Variants in INAVA observed in about 807,000 individuals in gnomAD.
INAVA encodes innate immunity activator.
In INAVA, 32 loss-of-function variants were observed where a neutral mutation model predicts 55.3. That is an observed-to-expected ratio of 0.58 (90% CI 0.44 to 0.78). The LOEUF (loss-of-function observed/expected upper bound fraction) is 0.78, where lower values mean the gene tolerates loss of function less well. Among genes scored for constraint, INAVA ranks in the 30% least tolerant of loss-of-function variants. INAVA has a pLI of 0.00. For synonymous variants in INAVA, 294 were observed against 329.4 expected (o/e 0.89, Z 1.16); for missense variants, 756 against 786.4 (o/e 0.96, Z 0.46).
intron 8 of INAVA, among the ~76,000 whole-genome samples, 168 bp downstream of exon 8, chr1:200,909,565 C>A (rs969225812): frequency 1.3e-5 from 2 of 152,222 alleles, no homozygotes; most frequent in South Asian, 4.1e-4. Flanking sequence ...ATGCACTGCA[C>A]CCCACTAAGC....
Position 200,912,056 on chromosome 1 carries a change from G to A in INAVA, c.1563G>A (p.Leu521=), listed in dbSNP as rs548799448. Residue 521 remains leucine (L), a synonymous_variant, in exon 9 of 10, where the codon CTG becomes CTA. Transcript: ENST00000413687. ...ARLRSTRPHS[L]DRQGAFRVRS... ...TCCGGAGCACCCGCCCCCACTCACT[G>A]GACCGCCAAGGAGCTTTCCGGGTCA... The A allele has an allele frequency of 6.5e-5, 100 of 1,547,260 alleles. No individual in the cohort carries two copies. In the African/African-American group the frequency reaches 1.2e-3, roughly 19 times the overall value.
upstream of INAVA, among the ~76,000 whole-genome samples, chr1:200,893,571 G>C (rs932657510): frequency 7.2e-5 from 11 of 152,212 alleles, no homozygotes; most frequent in Non-Finnish European, 8.8e-5. Flanking sequence ...CTCTTTGGGA[G>C]ACCCAGAGAA....
chr1:200,899,123 G>GGA (rs1653105689), intron 2 of INAVA, among the ~76,000 whole-genome samples: 2 of 151,862 alleles, frequency 1.3e-5, no homozygotes, highest in African/African-American at 4.8e-5. Flanking sequence ...GTGGGGAGAG[G>GGA]GAGAGAGAGA....
chr1:200,891,685 A>T (rs760891218), upstream of INAVA: 8 of 1,483,794 alleles, frequency 5.4e-6, no homozygotes, highest in East Asian at 2.5e-5. Context: ...GGGCGGCGCC[A>T]GAGCTCCATG....
chr1:200,899,987 G>A (rs1453131013), intron 3 of INAVA, 117 bp from the exon 4 acceptor site: 1 of 770,086 alleles, frequency 1.3e-6, no homozygotes, highest in Non-Finnish European at 2.2e-6. Flanking sequence ...GGATGAGGTG[G>A]GGTGGAGGGT....
chr1:200,912,678 G>T (rs1557971665), intron 9 of INAVA, among the ~76,000 whole-genome samples: 1 of 152,126 alleles, frequency 6.6e-6, no homozygotes, highest in Non-Finnish European at 1.5e-5. Flanking sequence ...TCCCAGTTCT[G>T]CCACTTACGA....
In INAVA at chr1:200,911,840, G is replaced by C. The variant is rs767384034; in HGVS notation, c.1347G>C (p.Glu449Asp). 6.2e-7 allele frequency: 1 copy of C among 1,600,118 alleles called. No individual in the cohort carries two copies. Residue 449 changes from glutamate to aspartate, a missense_variant, in exon 9 of 10, where the codon GAG (glutamate) becomes GAC (aspartate). By Grantham distance (45) the Glu-to-Asp change is conservative (BLOSUM62 2). This residue lies in a region of INAVA where 639 missense variants were observed against 624.3 expected (regional missense o/e 1.02). Transcript: ENST00000413687. ...VVAESPLPPG[E>D]WELRRAAPGP... Reference sequence around the variant, plus strand: ...CTGAGAGCCCCCTGCCGCCTGGCGAGTGGGAGCTGCGCCGCGCAGCCCCGG... The same window carrying C: ...CTGAGAGCCCCCTGCCGCCTGGCGACTGGGAGCTGCGCCGCGCAGCCCCGG...
chr1:200,895,709 G>A (rs909321503), intron 1 of INAVA, among the ~76,000 whole-genome samples: 3 of 152,162 alleles, frequency 2.0e-5, no homozygotes, highest in Admixed American at 6.5e-5. Context: ...GTGAGGGTCC[G>A]CTATGTGGCT....
chr1:200,908,987 G>T (rs752369485), intron 7 of INAVA, 47 bp downstream of exon 7: 7 of 1,569,448 alleles, frequency 4.5e-6, no homozygotes, highest in Non-Finnish European at 6.1e-6. Context: ...GCAGGGAGTC[G>T]GTGGGAGCTA....
chr1:200,902,034 A>G (rs1653282062), intron 5 of INAVA, among the ~76,000 whole-genome samples: 1 of 152,096 alleles, frequency 6.6e-6, no homozygotes, highest in Non-Finnish European at 1.5e-5. Flanking sequence ...CCCATGACTC[A>G]GCTCTGCCCC....
chr1:200,896,388 T>C (rs922912391), intron 1 of INAVA, among the ~76,000 whole-genome samples: 1 of 151,972 alleles, frequency 6.6e-6, no homozygotes. Context: ...AGCTGCCTGC[T>C]CCTCTGTCCT....
upstream of INAVA, among the ~76,000 whole-genome samples, chr1:200,893,890 G>A (rs915212292): frequency 6.6e-6 from 1 of 151,398 alleles, no homozygotes; most frequent in Non-Finnish European, 1.5e-5. Flanking sequence ...GGGAGGGGAA[G>A]CAATCCAGAC....
intron 9 of INAVA, among the ~76,000 whole-genome samples, chr1:200,913,199 T>C (rs902283262): frequency 6.6e-6 from 1 of 152,204 alleles, no homozygotes; most frequent in Non-Finnish European, 1.5e-5. Context: ...TGCTTTTCCC[T>C]TTCTGCGCGC....
At chr1:200,910,589 A>T (rs1259118225) in intron 8 of INAVA, among the ~76,000 whole-genome samples, 2 of 152,154 alleles carry the variant, frequency 1.3e-5, no homozygotes, top group Non-Finnish European at 2.9e-5. Flanking sequence ...TTTAATTTTT[A>T]AATTTTTTTT....
chr1:200,906,025 G>C (rs1318764385), intron 5 of INAVA, among the ~76,000 whole-genome samples: 2 of 152,226 alleles, frequency 1.3e-5, no homozygotes, highest in Non-Finnish European at 1.5e-5. Context: ...TTCCTCAACT[G>C]TCACTTGCAG....
In INAVA at chr1:200,900,199, T is replaced by C; in HGVS notation, c.276T>C (p.Asp92=). 6.2e-7 allele frequency: 1 copy of C among 1,614,074 alleles called. No individual in the cohort carries two copies. The highest frequency in any genetic ancestry group is 8.5e-7 in the Non-Finnish European group (1 of 1,179,954). ...GGATCGGAGCGGCTTACAAACTGGATGACTGGGCCTTGCACAGAGAGGTGA... is the reference window on the plus strand; with the variant it reads ...GGATCGGAGCGGCTTACAAACTGGACGACTGGGCCTTGCACAGAGAGGTGA... The part of the protein sequence containing the change: ...RRRIGAAYKL[D]DWALHREDPL... Residue 92 remains aspartate (D), a synonymous_variant, in exon 4 of 10, where the codon GAT becomes GAC. Coordinates refer to ENST00000413687, the MANE Select transcript of INAVA (RefSeq NM_001142569.3).
Position 200,911,582 on chromosome 1 carries a change from C to T in INAVA, c.1089C>T (p.Ala363=). The change falls in exon 9 of 10, where the codon GCC becomes GCT. Residue 363 remains alanine, a synonymous_variant. Transcript: ENST00000413687. The stretch of plus-strand genomic sequence containing the variant: ...CGACCAAGCCCCCGCTGCCCCACGC[C>T]GCCTGCCACTCCTGCTCAGAAGACA... ...FPATKPPLPH[A]ACHSCSEDSG... is the part of the protein sequence containing the mutation. The T allele has an allele frequency of 6.2e-7, 1 of 1,613,816 alleles. No individual in the cohort carries two copies. The highest frequency in any genetic ancestry group is 8.5e-7 in the Non-Finnish European group (1 of 1,179,898).
intron 5 of INAVA, among the ~76,000 whole-genome samples, chr1:200,902,597 C>T (rs1558230296): frequency 2.0e-5 from 3 of 152,384 alleles, no homozygotes; most frequent in Admixed American, 2.0e-4. Context: ...CCACTCTCAA[C>T]AGGGATCCCA....
rs139055846 is a variant in INAVA at position 200,908,087 on chromosome 1, C to T, written c.574+200C>T. 1.7e-3 allele frequency: 786 copies of T among 476,280 alleles called. 3 individuals are homozygous for T. Among genetic ancestry groups the T allele is most frequent in the African/African-American group, 9.7e-3 (502 of 51,500 alleles). 29.5% of individuals were successfully genotyped at this position (476,280 alleles called of 1,614,324 possible). A position where few individuals can be genotyped will look rare whatever the true frequency, so the allele number is the denominator to read the frequency against. On this transcript the variant is annotated intron_variant, in intron 6 of 9. Transcript: ENST00000413687. ...GAAGATGGGGAATGTGCGATCATCT[C>T]CCATTCTGGAAGCTCATTATTTTTA...
Sources: gnomAD v4.1 joint callset for allele counts (sites outside exome capture counted in the v4.1 genomes callset) on GRCh38, gnomAD v4.1.1 for gene constraint, gnomAD v4.1.1 regional missense constraint, MANE v1.5 for transcripts, NCBI Gene and HGNC (gene_info 2026-07-23, HGNC 2026-07-21) for gene names.